Variants in CES5A observed in about 807,000 individuals in gnomAD.
The protein encoded by CES5A is carboxylesterase 5.
In CES5A, 67 loss-of-function variants were observed where a neutral mutation model predicts 62.9. That is an observed-to-expected ratio of 1.07 (90% confidence interval 0.88 to 1.31). The LOEUF (loss-of-function observed/expected upper bound fraction) is 1.31, where lower values mean the gene tolerates loss of function less well. Among genes scored for constraint, CES5A ranks in the 50% most tolerant of loss-of-function variants. CES5A has a pLI of 0.00. For synonymous variants in CES5A, 296 were observed against 280.8 expected, an observed-to-expected ratio of 1.05 and a Z score of -0.54; for missense variants, 748 against 708.5, an observed-to-expected ratio of 1.06 and a Z score of -0.63.
chr16:55,941,430 A>C (rs1192526783), intron 2 of CES5A, among the ~76,000 whole-genome samples: 2 of 152,102 alleles, frequency 1.3e-5, no homozygotes, highest in African/African-American at 4.8e-5. Flanking sequence ...CTGTATGCTG[A>C]AAACTATAAG....
At chr16:55,872,260 C>T (rs2033607366) in intron 2 of CES5A, among the ~76,000 whole-genome samples, 1 of 152,246 alleles carries the variant, frequency 6.6e-6, no homozygotes, top group South Asian at 2.1e-4. Flanking sequence ...AGGCTTTGCT[C>T]AAGCCGGGCC....
At chr16:55,955,913 A>G in exon 1 of CES5A, 1 of 1,535,694 alleles carries the variant, frequency 6.5e-7, no homozygotes. Flanking sequence ...CTAACACAAA[A>G]CCTCAGCATC....
chr16:55,922,378 AG>A (rs771353787), intron 1 of CES5A, among the ~76,000 whole-genome samples: 6 of 151,986 alleles, frequency 3.9e-5, no homozygotes, highest in Non-Finnish European at 8.8e-5. Context: ...GAAACCAAAA[AG>A]GAGCAGAAGT....
At chr16:55,897,854 T>G (rs1246250161) in intron 1 of CES5A, among the ~76,000 whole-genome samples, 1 of 152,184 alleles carries the variant, frequency 6.6e-6, no homozygotes, top group African/African-American at 2.4e-5. Context: ...GATAAATAAA[T>G]TGTGGTATAT....
chr16:55,903,537 G>A (rs757360612), intron 1 of CES5A, among the ~76,000 whole-genome samples: 6 of 152,148 alleles, frequency 3.9e-5, no homozygotes, highest in Non-Finnish European at 5.9e-5. Context: ...TTTCTCACTT[G>A]TAAAAAGGGG....
intron 1 of CES5A, among the ~76,000 whole-genome samples, chr16:55,954,692 G>A (rs1273862744): frequency 6.6e-6 from 1 of 152,156 alleles, no homozygotes; most frequent in Non-Finnish European, 1.5e-5. Context: ...AGTCCTGGCT[G>A]CAGAACTGCT....
chr16:55,937,167 T>G (rs1388093647), intron 2 of CES5A, among the ~76,000 whole-genome samples: 1 of 152,062 alleles, frequency 6.6e-6, no homozygotes, highest in South Asian at 2.1e-4. Context: ...CACCTCAAGA[T>G]CTGTGCATTT....
chr16:55,944,260 T>A, intron 2 of CES5A: 2 of 607,122 alleles, frequency 3.3e-6, no homozygotes, highest in Non-Finnish European at 5.9e-6. Flanking sequence ...GCCTCACCCA[T>A]AAAATGGAGT....
intron 2 of CES5A, among the ~76,000 whole-genome samples, chr16:55,941,882 T>C (rs1368376848): frequency 4.6e-5 from 7 of 152,128 alleles, no homozygotes; most frequent in Admixed American, 3.9e-4. Context: ...CAGTACATCC[T>C]TCCAAAAGTC....
At chr16:55,860,294 GTCTT>G (rs1324880160) in intron 7 of CES5A, among the ~76,000 whole-genome samples, 1 of 152,146 alleles carries the variant, frequency 6.6e-6, no homozygotes, top group Admixed American at 6.5e-5. Flanking sequence ...TCTCAGGTAT[GTCTT>G]TATTAGCAGC....
intron 7 of CES5A, among the ~76,000 whole-genome samples, chr16:55,860,463 C>T (rs1430123926): frequency 6.6e-6 from 1 of 151,896 alleles, no homozygotes; most frequent in African/African-American, 2.4e-5. Flanking sequence ...GTGTATAGCC[C>T]AGGAACCTTC....
At position 55,872,178 on chromosome 16, in the gene CES5A, C is replaced by T. The variant is rs12596946; in HGVS notation, c.279-415G>A. ...CGGCTCCCTATTCTGTCCCCAGATG[C>T]GCAAAGGAACATTTCCAGGCCTCTC... On this transcript the variant is annotated intron_variant, in intron 2 of 12. Coordinates refer to ENST00000290567, the MANE Select transcript of CES5A (RefSeq NM_001143685.2). Among the ~76,000 whole-genome samples, 65 of 151,614 alleles carry T rather than the reference C, an allele frequency of 4.3e-4. 2 individuals are homozygous for T. The highest frequency in any genetic ancestry group is 1.4e-3 in the African/African-American group (59 of 41,514).
At chr16:55,897,526 C>T (rs1390512937) in intron 1 of CES5A, among the ~76,000 whole-genome samples, 1 of 152,164 alleles carries the variant, frequency 6.6e-6, no homozygotes, top group Non-Finnish European at 1.5e-5. Context: ...CTATGGAAGC[C>T]AGCCTTGTAC....
At chr16:55,860,766 A>G (rs2033336330) in intron 7 of CES5A, among the ~76,000 whole-genome samples, 1 of 152,192 alleles carries the variant, frequency 6.6e-6, no homozygotes, top group Admixed American at 6.5e-5. Flanking sequence ...TATCCATTTC[A>G]CTGAGTCTAG....
At chr16:55,886,957 A>G (rs2033822570) in intron 1 of CES5A, among the ~76,000 whole-genome samples, 1 of 152,176 alleles carries the variant, frequency 6.6e-6, no homozygotes, top group Non-Finnish European at 1.5e-5. Flanking sequence ...CACTGGTCCT[A>G]CCATATGCTG....
chr16:55,866,673 A>C (rs1339838137), intron 4 of CES5A, among the ~76,000 whole-genome samples: 1 of 139,650 alleles, frequency 7.2e-6, no homozygotes, highest in African/African-American at 2.6e-5. Flanking sequence ...AAAAAAAAAA[A>C]AAAAATACAA....
At chr16:55,853,363 C>G (rs1199591303) in intron 9 of CES5A, among the ~76,000 whole-genome samples, 1 of 152,190 alleles carries the variant, frequency 6.6e-6, no homozygotes, top group Non-Finnish European at 1.5e-5. Flanking sequence ...TCGTGGAGCT[C>G]AGTGCAAAGT....
chr16:55,935,835 C>A (rs558496647), intron 2 of CES5A, among the ~76,000 whole-genome samples: 1 of 151,920 alleles, frequency 6.6e-6, no homozygotes, highest in African/African-American at 2.4e-5. Context: ...TCCACCTAGT[C>A]CTTCTGGCAA....
chr16:55,926,016 T>C (rs1278276998), upstream of CES5A, among the ~76,000 whole-genome samples: 2 of 152,012 alleles, frequency 1.3e-5, no homozygotes, highest in Non-Finnish European at 2.9e-5. Context: ...TAAGTACAAA[T>C]ATATGGTTTC....
Sources: gnomAD v4.1 joint callset for allele counts (sites outside exome capture counted in the v4.1 genomes callset) on GRCh38, gnomAD v4.1.1 for gene constraint, MANE v1.5 for transcripts, NCBI Gene and HGNC (gene_info 2026-07-23, HGNC 2026-07-21) for gene names.